Variants in MMP26 observed in about 807,000 individuals in gnomAD.
MMP26 encodes matrix metalloproteinase-26.
In MMP26, 33 loss-of-function variants were observed where a neutral mutation model predicts 31.0. The ratio of observed to expected loss-of-function variants is 1.06; its 90% confidence interval spans 0.81 to 1.42. The LOEUF is 1.42. MMP26 is among the 40% of genes most tolerant of loss of function. The pLI, the probability that MMP26 is intolerant of heterozygous loss-of-function variation, is 0.00. For synonymous variants in MMP26, 122 were observed against 114.9 expected (o/e 1.06, Z -0.40); for missense variants, 347 against 316.1 (o/e 1.10, Z -0.74).
chr11:4,814,447 A>G (rs928868054), intron 2 of MMP26, among the ~76,000 whole-genome samples: 12 of 152,208 alleles, frequency 7.9e-5, no homozygotes, highest in African/African-American at 2.9e-4. Context: ...AAGTAAATAT[A>G]GAATAGTAGT....
intron 2 of MMP26, among the ~76,000 whole-genome samples, chr11:4,807,186 T>C (rs955034439): frequency 2.0e-5 from 3 of 152,218 alleles, no homozygotes; most frequent in Non-Finnish European, 4.4e-5. Flanking sequence ...TTTGGGTAAA[T>C]ACCCAGTAAT....
At chr11:4,918,150 G>T (rs1197591246) in intron 2 of MMP26, among the ~76,000 whole-genome samples, 1 of 151,996 alleles carries the variant, frequency 6.6e-6, no homozygotes, top group Non-Finnish European at 1.5e-5. Flanking sequence ...GAGGCTTAGA[G>T]AATTTTATAA....
chr11:4,980,866 G>GATC (rs141387281), intron 2 of MMP26, among the ~76,000 whole-genome samples: 7,484 of 152,040 alleles, frequency 0.049, 629 homozygotes, highest in African/African-American at 0.17. Flanking sequence ...GAAGTACAAT[G>GATC]ATAATATTGT....
At chr11:4,959,505 C>T (rs1173059101) in intron 2 of MMP26, among the ~76,000 whole-genome samples, 4 of 152,080 alleles carry the variant, frequency 2.6e-5, no homozygotes, top group Non-Finnish European at 5.9e-5. Context: ...CTAGGCTATA[C>T]ACACTTTAGC....
chr11:4,717,751 G>C (rs1389600382), intron 1 of MMP26, among the ~76,000 whole-genome samples: 3 of 152,084 alleles, frequency 2.0e-5, no homozygotes, highest in African/African-American at 7.2e-5. Context: ...GCATACCATT[G>C]TTACTTTAGA....
At chr11:4,903,696 A>C (rs554182917) in intron 2 of MMP26, 1 of 152,216 alleles carries the variant, frequency 6.6e-6, no homozygotes, top group South Asian at 2.1e-4. Flanking sequence ...TCAAGGGTCT[A>C]GTCACCTGAG....
chr11:4,724,758 T>C (rs1000736950), intron 1 of MMP26, among the ~76,000 whole-genome samples: 12 of 152,182 alleles, frequency 7.9e-5, no homozygotes, highest in African/African-American at 2.2e-4. Context: ...AATTTTTCCT[T>C]CCTAGTTATG....
At chr11:4,723,993 C>T (rs1162610677) in intron 1 of MMP26, 10 of 720,288 alleles carry the variant, frequency 1.4e-5, no homozygotes, top group Non-Finnish European at 2.0e-5. Flanking sequence ...TGATGCCTCC[C>T]ATGCCGCTGG....
intron 2 of MMP26, among the ~76,000 whole-genome samples, chr11:4,904,363 T>G (rs1038861376): frequency 1.3e-5 from 2 of 152,126 alleles, no homozygotes; most frequent in African/African-American, 4.8e-5. Context: ...ATAGCAATTC[T>G]AAGTGGTATG....
chr11:4,741,752 G>C (rs1848315458), intron 1 of MMP26, among the ~76,000 whole-genome samples: 1 of 152,014 alleles, frequency 6.6e-6, no homozygotes, highest in Non-Finnish European at 1.5e-5. Context: ...TTCTGCACAT[G>C]TATCCTGGAA....
rs1356764999 is a variant in MMP26 at position 4,721,058 on chromosome 11, T to G, written c.-217+16013T>G. Among the ~76,000 whole-genome samples, 3 of 152,160 alleles carry G rather than the reference T, an allele frequency of 2.0e-5. No individual in the cohort carries two copies. In the East Asian group the frequency reaches 5.8e-4, roughly 29 times the overall value. ...TATTTGTCCCTACAGCAGCTTCCGG[T>G]GTCCTAGCCTCCCCCAATTAATGGA... On this transcript the variant is annotated intron_variant, in intron 1 of 7. Transcript: ENST00000380390.
At chr11:4,962,068 C>T (rs1057049076) in intron 2 of MMP26, among the ~76,000 whole-genome samples, 6 of 151,404 alleles carry the variant, frequency 4.0e-5, no homozygotes, top group African/African-American at 1.5e-4. Flanking sequence ...TATATTTATT[C>T]CTATCCTATC....
At chr11:4,796,526 A>G (rs2133447960) in intron 2 of MMP26, among the ~76,000 whole-genome samples, 1 of 152,320 alleles carries the variant, frequency 6.6e-6, no homozygotes, top group South Asian at 2.1e-4. Flanking sequence ...GTTTCAGGAC[A>G]TTGATCAATA....
chr11:4,777,281 C>T (rs2898966), intron 2 of MMP26, among the ~76,000 whole-genome samples: 22,226 of 152,036 alleles, frequency 0.15, 2,029 homozygotes, highest in African/African-American at 0.26. Flanking sequence ...AGTTAAGAAT[C>T]ATAAAGGTTA....
At chr11:4,990,999 G>T (rs575380662) in intron 5 of MMP26, among the ~76,000 whole-genome samples, 1 of 152,254 alleles carries the variant, frequency 6.6e-6, no homozygotes, top group South Asian at 2.1e-4. Flanking sequence ...AAAAGACGAT[G>T]CATAGCTCCG....
intron 1 of MMP26, among the ~76,000 whole-genome samples, chr11:4,743,264 G>C (rs1430668296): frequency 6.6e-6 from 1 of 151,878 alleles, no homozygotes; most frequent in Non-Finnish European, 1.5e-5. Context: ...CACTTGATAG[G>C]CTTATTTTTC....
intron 1 of MMP26, among the ~76,000 whole-genome samples, chr11:4,745,891 G>A (rs139116573): frequency 6.6e-6 from 1 of 152,118 alleles, no homozygotes. Flanking sequence ...TTTCCACCTA[G>A]TAGTAAGTAT....
intron 1 of MMP26, among the ~76,000 whole-genome samples, chr11:4,720,090 A>G (rs1186092178): frequency 6.6e-6 from 1 of 152,168 alleles, no homozygotes; most frequent in Non-Finnish European, 1.5e-5. Flanking sequence ...CTTGACCTCC[A>G]CATTTAACAG....
At chr11:4,801,504 TTTTATTTATTTATTTA>T (rs141208345) in intron 2 of MMP26, among the ~76,000 whole-genome samples, 8,975 of 135,696 alleles carry the variant, frequency 0.066, 598 homozygotes, top group African/African-American at 0.17. Context: ...GTCCCGGACT[TTTTATTTATTTATTTA>T]TTTATTTATT....
Sources: allele counts gnomAD v4.1 joint callset (sites outside exome capture counted in the v4.1 genomes callset), GRCh38; gene constraint gnomAD v4.1.1; transcripts MANE v1.5; gene names NCBI Gene and HGNC (gene_info 2026-07-23, HGNC 2026-07-21).